MEGF9: variants seen among roughly 807,000 people sequenced by gnomAD.
MEGF9 encodes the protein multiple epidermal growth factor-like domains protein 9.
MEGF9 carries 6 observed loss-of-function variants against 46.8 expected under a neutral mutation model. The ratio of observed to expected loss-of-function variants is 0.13; its 90% CI spans 0.07 to 0.25. The LOEUF is 0.25. Ranked by LOEUF, MEGF9 falls within the 10% of genes least tolerant of loss-of-function variation. The pLI, the probability that MEGF9 is intolerant of heterozygous loss-of-function variation, is 1.00. For missense variants in MEGF9, 683 were observed against 792.4 expected (o/e 0.86, Z 1.66); for synonymous variants, 302 against 330.7 (o/e 0.91, Z 0.94).
Position 120,602,822 on chromosome 9 carries a change from T to C in MEGF9, c.*2368A>G, listed in dbSNP as rs1166901904. 1 of 152,114 alleles carries C rather than the reference T, an allele frequency of 6.6e-6. No homozygotes were observed. The highest frequency in any genetic ancestry group is 2.4e-5 in the African/African-American group (1 of 41,414). 9.4% of individuals were successfully genotyped at this position (152,114 alleles called of 1,614,324 possible). On this transcript the variant is annotated 3_prime_UTR_variant, in exon 6 of 6. Coordinates refer to ENST00000373930, the MANE Select transcript of MEGF9 (RefSeq NM_001080497.3). The stretch of plus-strand genomic sequence containing the variant: ...AGGTATGCCATTTTGCACAATTTCT[T>C]AGAATTGTGCAGTCTGTACACACAT...
intron 1 of MEGF9, among the ~76,000 whole-genome samples, chr9:120,711,758 C>A (rs552318891): frequency 1.1e-4 from 17 of 151,972 alleles, no homozygotes; most frequent in African/African-American, 4.1e-4. Context: ...CTAATTCATT[C>A]TTTTTCTATT....
chr9:120,634,444 A>ATTT (rs1564416834), intron 2 of MEGF9, among the ~76,000 whole-genome samples: 1 of 60,846 alleles, frequency 1.6e-5, no homozygotes, highest in Non-Finnish European at 3.3e-5. Flanking sequence ...TGTGTGGAAT[A>ATTT]TCTTTTTTTT....
Position 120,694,457 on chromosome 9 carries a change from A to G in MEGF9, c.601+19301T>C, listed in dbSNP as rs17279944. ...ATATGCAATAAAAAGTACAGCTAAT[A>G]TTTAGAAGGCCAATTTATGCCAGGA... On this transcript the variant is annotated intron_variant, in intron 1 of 5. Transcript: ENST00000373930. Among the ~76,000 whole-genome samples, 106 of 152,392 alleles carry G rather than the reference A, an allele frequency of 7.0e-4. No individual in the cohort carries two copies. The East Asian group carries it at 0.018, about 27-fold the overall frequency.
chr9:120,635,669 C>CT (rs934019440), intron 2 of MEGF9, among the ~76,000 whole-genome samples: 7 of 151,646 alleles, frequency 4.6e-5, no homozygotes, highest in Admixed American at 1.3e-4. Flanking sequence ...CTGGTTGGTT[C>CT]TTTTTTTTAT....
chr9:120,650,125 C>T lies in MEGF9; in HGVS notation c.803+9249G>A, dbSNP rs532373632. 4.6e-5 allele frequency among the ~76,000 whole-genome samples: 7 copies of T among 152,156 alleles called. No individual in the cohort carries two copies. In the East Asian group the frequency reaches 5.8e-4, roughly 13 times the overall value. ...ACTAAAAATACAAAAAAATATTAGC[C>T]GGGCGTGGTGGCGGGTGCCCGTAAT... On this transcript the variant is annotated intron_variant, in intron 2 of 5. Transcript: ENST00000373930.
At chr9:120,709,832 T>C (rs1368264619) in intron 1 of MEGF9, among the ~76,000 whole-genome samples, 2 of 151,820 alleles carry the variant, frequency 1.3e-5, no homozygotes, top group Admixed American at 6.6e-5. Flanking sequence ...GCAGATTACC[T>C]GAGGTCAGAA....
chr9:120,673,831 G>A (rs1321977377), intron 1 of MEGF9, among the ~76,000 whole-genome samples: 6 of 151,884 alleles, frequency 4.0e-5, no homozygotes, highest in Non-Finnish European at 7.4e-5. Flanking sequence ...TTAGCTGGGC[G>A]CGGTGGCAGG....
intron 1 of MEGF9, among the ~76,000 whole-genome samples, chr9:120,679,635 G>A (rs1337409555): frequency 6.6e-6 from 1 of 151,946 alleles, no homozygotes; most frequent in Non-Finnish European, 1.5e-5. Flanking sequence ...TAAAAAAAAA[G>A]AGAGAGAGAC....
chr9:120,641,868 AC>A (rs2043604768), intron 2 of MEGF9, among the ~76,000 whole-genome samples: 1 of 152,076 alleles, frequency 6.6e-6, no homozygotes, highest in Admixed American at 6.6e-5. Context: ...AAGGCAATCA[AC>A]CTCAGCGGTC....
chr9:120,612,578 C>CGGCCGGGCGCGGTGG, intron 3 of MEGF9, 39 bp from the exon 4 acceptor site: 1 of 1,552,020 alleles, frequency 6.4e-7, no homozygotes, highest in East Asian at 2.3e-5. Context: ...TAAAGATTTA[C>CGGCCGGGCGCGGTGG]CTTGAAAGCC....
intron 2 of MEGF9, among the ~76,000 whole-genome samples, chr9:120,651,981 G>T (rs930162436): frequency 6.6e-6 from 1 of 151,010 alleles, no homozygotes; most frequent in African/African-American, 2.4e-5. Flanking sequence ...AAAAATTGAA[G>T]ACAATAAGAG....
intron 2 of MEGF9, among the ~76,000 whole-genome samples, chr9:120,625,066 G>C (rs1455939028): frequency 6.6e-6 from 1 of 152,168 alleles, no homozygotes. Flanking sequence ...TTGAGCCCAG[G>C]AGTTCTAGGC....
chr9:120,705,248 G>A (rs1193671243), intron 1 of MEGF9, among the ~76,000 whole-genome samples: 1 of 151,912 alleles, frequency 6.6e-6, no homozygotes, highest in African/African-American at 2.4e-5. Flanking sequence ...AAAAGTGAAA[G>A]TCACAGAGAA....
At chr9:120,653,585 T>C (rs2043663389) in intron 2 of MEGF9, among the ~76,000 whole-genome samples, 1 of 152,148 alleles carries the variant, frequency 6.6e-6, no homozygotes, top group Non-Finnish European at 1.5e-5. Flanking sequence ...TTGGCTAGGC[T>C]GGTCTTGAAC....
At chr9:120,672,038 A>T (rs116644116) in intron 1 of MEGF9, among the ~76,000 whole-genome samples, 2,542 of 152,204 alleles carry the variant, frequency 0.017, 62 homozygotes, top group African/African-American at 0.057. Context: ...AAAAGATTTT[A>T]AAAAATTAAC....
chr9:120,677,269 C>T (rs942582577), intron 1 of MEGF9, among the ~76,000 whole-genome samples: 2 of 152,024 alleles, frequency 1.3e-5, no homozygotes, highest in African/African-American at 4.8e-5. Flanking sequence ...GTTGGGACTA[C>T]AGGCGTGCAC....
At chr9:120,634,119 G>A (rs565196989) in intron 2 of MEGF9, among the ~76,000 whole-genome samples, 3 of 152,306 alleles carry the variant, frequency 2.0e-5, no homozygotes, top group Admixed American at 2.0e-4. Context: ...CTCAAGTGCA[G>A]TTTAAATCAA....
chr9:120,683,958 C>T (rs929032930), intron 1 of MEGF9, among the ~76,000 whole-genome samples: 4 of 151,780 alleles, frequency 2.6e-5, no homozygotes, highest in Admixed American at 2.0e-4. Flanking sequence ...AAAATAAAAT[C>T]CAGGTATAAA....
At chr9:120,666,481 A>T (rs1208869381) in intron 1 of MEGF9, among the ~76,000 whole-genome samples, 4 of 152,248 alleles carry the variant, frequency 2.6e-5, no homozygotes, top group African/African-American at 9.6e-5. Flanking sequence ...GCTAAAATAC[A>T]CAAACAAAAA....
Sources: gnomAD v4.1 joint callset for allele counts (sites outside exome capture counted in the v4.1 genomes callset) on GRCh38, gnomAD v4.1.1 for gene constraint, MANE v1.5 for transcripts, NCBI Gene and HGNC (gene_info 2026-07-23, HGNC 2026-07-21) for gene names.